Variants in FLYWCH1 observed in about 807,000 individuals in gnomAD.
The protein encoded by FLYWCH1 is FLYWCH-type zinc finger-containing protein 1.
In FLYWCH1, 75 loss-of-function variants were observed where a neutral mutation model predicts 66.4. The ratio of observed to expected loss-of-function variants is 1.13; its 90% CI spans 0.94 to 1.37. The LOEUF (loss-of-function observed/expected upper bound fraction) is 1.37. Ranked by LOEUF, FLYWCH1 falls within the 40% of genes most tolerant of loss-of-function variation. FLYWCH1 has a pLI of 0.00. For synonymous variants in FLYWCH1, 595 were observed against 429.9 expected (o/e 1.38, Z -4.75); for missense variants, 1,334 against 1,001.8 (o/e 1.33, Z -4.48).
chr16:2,938,233 C>T lies in FLYWCH1; in HGVS notation c.1827C>T (p.Phe609=). 3.1e-6 allele frequency: 5 copies of T among 1,613,216 alleles called. No individual in the cohort carries two copies. Among genetic ancestry groups the T allele is most frequent in the Non-Finnish European group, 2.5e-6 (3 of 1,179,616 alleles). Residue 609 remains phenylalanine (F), a synonymous_variant, in exon 8 of 10, where the codon TTC becomes TTT. Coordinates refer to ENST00000253928, the MANE Select transcript of FLYWCH1 (RefSeq NM_001308068.2). ...TGAGGACTTCCCTGGGGGGCAGGTT[C>T]CTGGTGCACGAGTCCTTCCTCTACA... The part of the protein sequence containing the change: ...EFLRTSLGGR[F]LVHESFLYRK...
chr16:2,945,352 G>A (rs1299532066), intron 9 of FLYWCH1, among the ~76,000 whole-genome samples: 1 of 151,946 alleles, frequency 6.6e-6, no homozygotes, highest in East Asian at 1.9e-4. Context: ...TGGGCGTGGT[G>A]GCGTGTGCCT....
chr16:2,945,950 T>TCG, intron 9 of FLYWCH1, among the ~76,000 whole-genome samples: 1 of 152,036 alleles, frequency 6.6e-6, no homozygotes, highest in South Asian at 2.1e-4. Flanking sequence ...TGAGCCGAGA[T>TCG]TGCGACACTG....
At chr16:2,934,079 C>T (rs934690501) in intron 6 of FLYWCH1, 100 bp downstream of exon 6, 3 of 1,353,448 alleles carry the variant, frequency 2.2e-6, no homozygotes, top group African/African-American at 2.9e-5. Flanking sequence ...CAAACGTCCT[C>T]TTCCCTTCTT....
intron 2 of FLYWCH1, among the ~76,000 whole-genome samples, chr16:2,924,341 A>G (rs964392813): frequency 1.3e-5 from 2 of 152,030 alleles, no homozygotes; most frequent in African/African-American, 4.8e-5. Flanking sequence ...AAAAAAAAAA[A>G]AAAAGTAAAA....
chr16:2,925,900 G>A (rs1336616880), intron 2 of FLYWCH1, among the ~76,000 whole-genome samples: 2 of 152,216 alleles, frequency 1.3e-5, no homozygotes, highest in Non-Finnish European at 2.9e-5. Context: ...GGGAACTTTG[G>A]ATCAAAGTGG....
At chr16:2,944,668 C>G (rs2071405843) in intron 9 of FLYWCH1, among the ~76,000 whole-genome samples, 1 of 151,356 alleles carries the variant, frequency 6.6e-6, no homozygotes, top group Non-Finnish European at 1.5e-5. Flanking sequence ...ACTAAAAATA[C>G]AAAAATTAGC....
At position 2,937,268 on chromosome 16, in the gene FLYWCH1, C is replaced by T; in HGVS notation, c.1661C>T (p.Thr554Ile). 6.2e-7 allele frequency: 1 copy of T among 1,606,924 alleles called. No homozygotes were observed. Among genetic ancestry groups the T allele is most frequent in the South Asian group, 1.1e-5 (1 of 90,310 alleles). Reference protein sequence around the residue: ...ARMGCRSRAITQGRRVMVMRR... With the variant: ...ARMGCRSRAIIQGRRVMVMRR... ...ATGGGCTGCCGCAGCCGCGCCATCA[C>T]CCAGGGCCGGCGGGTCATGGTCATG... The change falls in exon 7 of 10, where the codon ACC becomes ATC. Residue 554 changes from threonine (T) to isoleucine (I), a missense_variant. Transcript: ENST00000253928.
At chr16:2,914,926 A>C (rs2070116785) in intron 2 of FLYWCH1, among the ~76,000 whole-genome samples, 1 of 150,952 alleles carries the variant, frequency 6.6e-6, no homozygotes, top group East Asian at 1.9e-4. Context: ...AAAAAAAAAA[A>C]AGAAATTTGT....
chr16:2,919,452 G>A (rs1352203921), intron 2 of FLYWCH1, among the ~76,000 whole-genome samples: 1 of 151,728 alleles, frequency 6.6e-6, no homozygotes, highest in Non-Finnish European at 1.5e-5. Context: ...TTTTAGTAGA[G>A]ACGGGGTTTC....
chr16:2,937,109 A>G lies in FLYWCH1; in HGVS notation c.1514-12A>G, dbSNP rs1427803563. ...TGGTGTCCGCTGCTCCTCCCCTCCC[A>G]TTTCTCAACAGGAGGCCCCGAGTTC... On this transcript the variant is annotated splice_polypyrimidine_tract_variant and intron_variant, in intron 6 of 9. Coordinates refer to ENST00000253928, the MANE Select transcript of FLYWCH1 (RefSeq NM_001308068.2). 2.5e-6 allele frequency: 4 copies of G among 1,592,982 alleles called. No homozygotes were observed. The highest frequency in any genetic ancestry group is 3.4e-6 in the Non-Finnish European group (4 of 1,169,938).
At chr16:2,941,350 T>A (rs1472737141) in intron 9 of FLYWCH1, among the ~76,000 whole-genome samples, 1 of 152,060 alleles carries the variant, frequency 6.6e-6, no homozygotes, top group Non-Finnish European at 1.5e-5. Context: ...GAAATAAAAC[T>A]TATGGGATGC....
chr16:2,940,012 T>A lies in FLYWCH1; in HGVS notation c.2051-20T>A, dbSNP rs1596393586. The A allele has an allele frequency of 1.1e-5, 18 of 1,590,618 alleles. No homozygotes were observed. The highest frequency in any genetic ancestry group is 1.3e-5 in the Non-Finnish European group (15 of 1,166,768). ...CAAGAGAAGAATTATTAATTCATAT[T>A]TTCAATTATTTTTCCACAGAAAAGA... is the stretch of plus-strand genomic sequence containing the variant. On this transcript the variant is annotated intron_variant, in intron 8 of 9. Coordinates refer to ENST00000253928, the MANE Select transcript of FLYWCH1 (RefSeq NM_001308068.2).
At chr16:2,945,627 C>T (rs2071448018) in intron 9 of FLYWCH1, among the ~76,000 whole-genome samples, 2 of 114,148 alleles carry the variant, frequency 1.8e-5, no homozygotes, top group African/African-American at 8.8e-5. Flanking sequence ...TGGAAGACTA[C>T]ATCTCAAAAA....
chr16:2,922,979 G>A (rs1295728208), intron 2 of FLYWCH1: 1 of 515,290 alleles, frequency 1.9e-6, no homozygotes, highest in Non-Finnish European at 3.8e-6. Flanking sequence ...CAGTGTCTTG[G>A]GCTGCCAGAA....
In FLYWCH1 at chr16:2,920,040, G is replaced by A. The variant is rs748437967; in HGVS notation, c.-74+5751G>A. On this transcript the variant is annotated intron_variant, in intron 2 of 9. Coordinates refer to ENST00000253928, the MANE Select transcript of FLYWCH1 (RefSeq NM_001308068.2). ...GCTACAGAAAAGCAAGCGCCTTAAA[G>A]GCATTAGTTCAACAATGGAAGTAGT... Among the ~76,000 whole-genome samples, 2 of 152,142 alleles carry A rather than the reference G, an allele frequency of 1.3e-5. 1 individual carries two copies.
rs566209406 is a variant in FLYWCH1 at position 2,926,167 on chromosome 16, C to A, written c.-73-3446C>A. On this transcript the variant is annotated intron_variant, in intron 2 of 9. Transcript: ENST00000253928. Reference sequence around the variant, plus strand: ...TGGTGACCACGGGATTAAGTTAGAGCCTGTACAGAAAATCTAACTATGCTA... The same window carrying A: ...TGGTGACCACGGGATTAAGTTAGAGACTGTACAGAAAATCTAACTATGCTA... 9.2e-4 allele frequency among the ~76,000 whole-genome samples: 140 copies of A among 152,260 alleles called. 1 individual carries two copies. The highest frequency in any genetic ancestry group is 3.3e-3 in the African/African-American group (135 of 41,536).
rs547602432 is a variant in FLYWCH1, at chr16:2,929,707, G to C, written c.22G>C (p.Glu8Gln). The C allele has an allele frequency of 3.7e-5, 60 of 1,612,680 alleles. No individual in the cohort carries two copies. The highest frequency in any genetic ancestry group is 4.8e-5 in the Non-Finnish European group (57 of 1,179,482). Residue 8 changes from glutamate to glutamine, a missense_variant, in exon 3 of 10, where the codon GAG becomes CAG. Transcript: ENST00000253928. ...CGGGATGCCCCTGCCCGAGCCCAGC[G>C]AGCAGGAGGGCGAGAGTGTGAAGGC... is the stretch of plus-strand genomic sequence containing the variant. MPLPEPSEQEGESVKAGQ... is the reference protein window; with the variant it reads MPLPEPSQQEGESVKAGQ...
At chr16:2,943,648 C>G (rs1202180119) in intron 9 of FLYWCH1, 2 of 152,086 alleles carry the variant, frequency 1.3e-5, no homozygotes, top group Non-Finnish European at 2.9e-5. Flanking sequence ...AAAACCCCCA[C>G]AAGCAGGCCA....
chr16:2,912,034 G>A lies in FLYWCH1; in HGVS notation c.-308G>A, dbSNP rs113176511. 6,437 of 152,654 alleles carry A rather than the reference G, an allele frequency of 0.042. 448 individuals carry two copies. The highest frequency in any genetic ancestry group is 0.15 in the African/African-American group (6,029 of 41,558). 9.5% of individuals were successfully genotyped at this position (152,654 alleles called of 1,614,324 possible). ...GGGCAGGTCGGGGCTGGGAGCTGGTGCCCGGGTCGGGGTGGCGGCGGCGGC... is the reference window on the plus strand; with the variant it reads ...GGGCAGGTCGGGGCTGGGAGCTGGTACCCGGGTCGGGGTGGCGGCGGCGGC... On this transcript the variant is annotated 5_prime_UTR_variant, in exon 1 of 10. Coordinates refer to ENST00000253928, the MANE Select transcript of FLYWCH1 (RefSeq NM_001308068.2).
Sources: allele counts gnomAD v4.1 joint callset (sites outside exome capture counted in the v4.1 genomes callset), GRCh38; gene constraint gnomAD v4.1.1; transcripts MANE v1.5; gene names NCBI Gene and HGNC (gene_info 2026-07-23, HGNC 2026-07-21).